The following HTR1F variants were observed in gnomAD, a reference collection of about 807,000 sequenced individuals.
The protein encoded by HTR1F is 5-hydroxytryptamine (serotonin) receptor 1F, G protein-coupled.
HTR1F carries 17 observed loss-of-function variants against 24.0 expected under a neutral mutation model. That is an observed-to-expected ratio of 0.71 (90% CI 0.48 to 1.06). The LOEUF (loss-of-function observed/expected upper bound fraction) is 1.06, where lower values mean the gene tolerates loss of function less well. Ranked by LOEUF, HTR1F falls within the 50% of genes least tolerant of loss-of-function variation. HTR1F has a pLI of 0.00. For synonymous variants in HTR1F, 186 were observed against 156.8 expected (o/e 1.19, Z -1.39); for missense variants, 391 against 427.8 (o/e 0.91, Z 0.76).
At chr3:87,934,243 A>T (rs1704357163) in intron 2 of HTR1F, among the ~76,000 whole-genome samples, 1 of 152,222 alleles carries the variant, frequency 6.6e-6, no homozygotes, top group South Asian at 2.1e-4. Flanking sequence ...GAAAAATAAC[A>T]GTAAGGGTTA....
intron 2 of HTR1F, among the ~76,000 whole-genome samples, chr3:87,881,956 C>T (rs1257009575): frequency 2.0e-5 from 3 of 152,112 alleles, no homozygotes; most frequent in Admixed American, 1.3e-4. Flanking sequence ...TTGCAACCTA[C>T]TCATCTGACA....
At chr3:87,951,560 A>G (rs1448635886) in intron 2 of HTR1F, among the ~76,000 whole-genome samples, 1 of 152,120 alleles carries the variant, frequency 6.6e-6, no homozygotes, top group African/African-American at 2.4e-5. Flanking sequence ...AATTTCTCAC[A>G]TACTACCTGC....
intron 2 of HTR1F, among the ~76,000 whole-genome samples, chr3:87,838,373 G>C (rs1704726145): frequency 6.6e-6 from 1 of 151,938 alleles, no homozygotes; most frequent in Non-Finnish European, 1.5e-5. Context: ...ACTATCCCCT[G>C]CTGCCATCTA....
intron 2 of HTR1F, among the ~76,000 whole-genome samples, chr3:87,909,525 C>T (rs574925621): frequency 6.6e-6 from 1 of 152,078 alleles, no homozygotes; most frequent in South Asian, 2.1e-4. Flanking sequence ...ATTCTCTTTC[C>T]CTTTAGAAGC....
intron 2 of HTR1F, among the ~76,000 whole-genome samples, chr3:87,978,204 T>A (rs764287304): frequency 6.6e-5 from 10 of 152,084 alleles, no homozygotes; most frequent in Non-Finnish European, 1.0e-4. Flanking sequence ...CTCAGAAGGT[T>A]GAAGACTCCA....
chr3:87,872,180 TAAGA>T (rs1705572972), intron 2 of HTR1F, among the ~76,000 whole-genome samples: 1 of 152,038 alleles, frequency 6.6e-6, no homozygotes, highest in South Asian at 2.1e-4. Context: ...AAAAAATCGC[TAAGA>T]AAGTTAAATG....
chr3:87,962,466 C>T (rs1453899795), intron 2 of HTR1F, among the ~76,000 whole-genome samples: 8 of 152,006 alleles, frequency 5.3e-5, no homozygotes, highest in East Asian at 3.9e-4. Flanking sequence ...ACAACAGAGA[C>T]GACATGAACT....
At chr3:87,978,909 G>C (rs1160192729) in intron 2 of HTR1F, among the ~76,000 whole-genome samples, 1 of 117,130 alleles carries the variant, frequency 8.5e-6, no homozygotes. Context: ...AGGAAGGAAG[G>C]AAGGAAGGAA....
At chr3:87,940,462 C>T (rs555429977) in intron 2 of HTR1F, among the ~76,000 whole-genome samples, 99 of 152,206 alleles carry the variant, frequency 6.5e-4, no homozygotes, top group Non-Finnish European at 1.0e-3. Flanking sequence ...AGGACCTCTT[C>T]GAAGAGAACC....
At chr3:87,915,408 G>A (rs1703871506) in intron 2 of HTR1F, among the ~76,000 whole-genome samples, 1 of 152,028 alleles carries the variant, frequency 6.6e-6, no homozygotes, top group Admixed American at 6.6e-5. Context: ...GCTAATCAGG[G>A]AAGCACCAGA....
At chr3:87,850,609 T>TA (rs988765686) in intron 2 of HTR1F, among the ~76,000 whole-genome samples, 45 of 148,286 alleles carry the variant, frequency 3.0e-4, no homozygotes, top group African/African-American at 8.8e-4. Flanking sequence ...AGTATAATAA[T>TA]AAAAAAAGTG....
chr3:87,932,724 C>A (rs1200313211), intron 2 of HTR1F, among the ~76,000 whole-genome samples: 2 of 151,372 alleles, frequency 1.3e-5, no homozygotes, highest in Admixed American at 6.6e-5. Context: ...GCTTACCAAC[C>A]AAAAAGAGTC....
At chr3:87,940,935 T>C (rs530416271) in intron 2 of HTR1F, among the ~76,000 whole-genome samples, 5 of 152,346 alleles carry the variant, frequency 3.3e-5, no homozygotes, top group African/African-American at 1.2e-4. Context: ...CTTCAGACAC[T>C]AAGACTGCTA....
At chr3:87,985,279 G>A (rs1417254500) in intron 2 of HTR1F, among the ~76,000 whole-genome samples, 1 of 151,758 alleles carries the variant, frequency 6.6e-6, no homozygotes, top group Non-Finnish European at 1.5e-5. Context: ...AGGTTGCGGT[G>A]AGCCAGAGAT....
At chr3:87,984,279 C>T (rs528445043) in intron 2 of HTR1F, among the ~76,000 whole-genome samples, 23 of 152,324 alleles carry the variant, frequency 1.5e-4, no homozygotes, top group African/African-American at 4.6e-4. Flanking sequence ...TACATATCTC[C>T]ATAATGCCCT....
intron 2 of HTR1F, among the ~76,000 whole-genome samples, chr3:87,910,665 A>G (rs1703759135): frequency 6.6e-6 from 1 of 152,076 alleles, no homozygotes; most frequent in East Asian, 1.9e-4. Flanking sequence ...ACAACAGAAT[A>G]TAAATTCTTC....
intron 2 of HTR1F, among the ~76,000 whole-genome samples, chr3:87,892,548 G>C (rs1706107343): frequency 6.6e-6 from 1 of 152,064 alleles, no homozygotes; most frequent in Non-Finnish European, 1.5e-5. Context: ...TTCTCATCTT[G>C]AACAAGGGGA....
chr3:87,898,681 G>A (rs1488142631), intron 2 of HTR1F, among the ~76,000 whole-genome samples: 1 of 133,442 alleles, frequency 7.5e-6, no homozygotes, highest in Non-Finnish European at 1.5e-5. Context: ...AGATATAGTA[G>A]CTGACCAATA....
chr3:87,929,790 T>C (rs192147706), intron 2 of HTR1F, among the ~76,000 whole-genome samples: 9 of 152,298 alleles, frequency 5.9e-5, no homozygotes, highest in Non-Finnish European at 1.2e-4. Flanking sequence ...TGGGCTCTTT[T>C]TGGGCTCCAT....
Sources: gnomAD v4.1 joint callset for allele counts (sites outside exome capture counted in the v4.1 genomes callset) on GRCh38, gnomAD v4.1.1 for gene constraint, MANE v1.5 for transcripts, NCBI Gene and HGNC (gene_info 2026-07-23, HGNC 2026-07-21) for gene names.